The following ZC3H12B variants were observed in gnomAD, a reference collection of about 807,000 sequenced individuals.
ZC3H12B encodes the protein zinc finger CCCH-type containing 12B, also known as probable ribonuclease ZC3H12B.
In ZC3H12B, 7 loss-of-function variants were observed where a neutral mutation model predicts 43.9. That is an observed-to-expected ratio of 0.16 (90% CI 0.09 to 0.30). ZC3H12B has a LOEUF of 0.30. Among genes scored for constraint, ZC3H12B ranks in the 10% least tolerant of loss-of-function variants. The pLI is 1.00. For synonymous variants in ZC3H12B, 222 were observed against 241.7 expected (o/e 0.92, Z 0.76); for missense variants, 475 against 670.2 (o/e 0.71, Z 3.22).
chrX:65,488,252 GAAGA>G (rs770884863), upstream of ZC3H12B, among the ~76,000 whole-genome samples: 2 of 110,640 alleles, frequency 1.8e-5, no homozygotes, highest in African/African-American at 3.3e-5. Context: ...TGGCAGAAAG[GAAGA>G]AAGAGAGTCT....
At chrX:65,386,257 C>T (rs190750682) in intron 2 of ZC3H12B, among the ~76,000 whole-genome samples, 5 of 111,699 alleles carry the variant, frequency 4.5e-5, no homozygotes, top group South Asian at 7.5e-4. Context: ...AAGAATTTGG[C>T]TGTGAATCTG....
chrX:65,261,863 C>T, the ZC3H12B span, among the ~76,000 whole-genome samples: 3 of 110,746 alleles, frequency 2.7e-5, no homozygotes, highest in African/African-American at 6.5e-5. Context: ...AAAACTGAAA[C>T]ATAGGAGTCA....
chrX:65,476,878 G>A (rs377484276), intron 3 of ZC3H12B, among the ~76,000 whole-genome samples: 1 of 106,885 alleles, frequency 9.4e-6, no homozygotes, highest in Non-Finnish European at 1.9e-5. Context: ...CTGGAGTTCA[G>A]TGGTACAATC....
intron 3 of ZC3H12B, among the ~76,000 whole-genome samples, chrX:65,460,897 G>T (rs1239194758): frequency 2.7e-5 from 3 of 111,514 alleles, no homozygotes; most frequent in Non-Finnish European, 5.6e-5. Flanking sequence ...CACAGCAAAA[G>T]AAGCTACCAC....
chrX:65,392,574 CA>C (rs1388357480), intron 2 of ZC3H12B, among the ~76,000 whole-genome samples: 9 of 110,685 alleles, frequency 8.1e-5, no homozygotes, highest in African/African-American at 2.9e-4. Context: ...GCTTGGCAGC[CA>C]CCCCATCTGG....
chrX:65,344,345 A>G, the ZC3H12B span, among the ~76,000 whole-genome samples: 2 of 111,987 alleles, frequency 1.8e-5, no homozygotes, highest in African/African-American at 6.5e-5. Context: ...AGTAACCAAA[A>G]CAGAATGGTA....
intron 3 of ZC3H12B, among the ~76,000 whole-genome samples, chrX:65,433,291 T>C (rs1196161578): frequency 8.9e-6 from 1 of 112,262 alleles, no homozygotes; most frequent in Admixed American, 9.5e-5. Context: ...CACCCCTGCA[T>C]CTTTCAAGTC....
chrX:65,335,347 G>T, the ZC3H12B span, among the ~76,000 whole-genome samples: 1 of 111,391 alleles, frequency 9.0e-6, no homozygotes, highest in Non-Finnish European at 1.9e-5. Flanking sequence ...AAAAAAGAAG[G>T]TCCTTTTAAA....
At chrX:65,488,621 A>T (rs1474051541), upstream of ZC3H12B, 2 of 416,633 alleles carry the variant, frequency 4.8e-6, no homozygotes, top group African/African-American at 2.5e-5. Context: ...ACTAAATATG[A>T]TGTGGTATGT....
the ZC3H12B span, among the ~76,000 whole-genome samples, chrX:65,331,875 G>T: frequency 9.0e-5 from 10 of 111,355 alleles, no homozygotes; most frequent in African/African-American, 3.3e-4. Flanking sequence ...CTTTTTGCAT[G>T]CTAATGCATT....
chrX:65,231,885 G>A, the ZC3H12B span, among the ~76,000 whole-genome samples: 1 of 111,352 alleles, frequency 9.0e-6, no homozygotes, highest in South Asian at 3.8e-4. Context: ...AATCATCACA[G>A]GGTCGTAAGG....
chrX:65,275,768 C>T, the ZC3H12B span, among the ~76,000 whole-genome samples: 1 of 112,237 alleles, frequency 8.9e-6, no homozygotes, highest in Non-Finnish European at 1.9e-5. Flanking sequence ...TGAAAATCAA[C>T]ATAGGGATAC....
the ZC3H12B span, among the ~76,000 whole-genome samples, chrX:65,252,577 G>C: frequency 2.7e-5 from 3 of 111,691 alleles, no homozygotes; most frequent in Non-Finnish European, 5.6e-5. Flanking sequence ...TCAAGCAAGT[G>C]GTAGGGCTGC....
chrX:65,395,655 G>A (rs2066686964), intron 2 of ZC3H12B, among the ~76,000 whole-genome samples: 1 of 111,582 alleles, frequency 9.0e-6, no homozygotes, highest in Admixed American at 9.5e-5. Context: ...TTTTGTTGTT[G>A]TTGTGTCTTT....
the ZC3H12B span, among the ~76,000 whole-genome samples, chrX:65,144,898 A>G: frequency 4.5e-5 from 5 of 111,649 alleles, no homozygotes; most frequent in Non-Finnish European, 9.4e-5. Flanking sequence ...CATTTGGTCT[A>G]TCTTGGAGAA....
chrX:65,363,570 G>C (rs2066132379), upstream of ZC3H12B, among the ~76,000 whole-genome samples: 1 of 111,618 alleles, frequency 9.0e-6, no homozygotes, highest in Non-Finnish European at 1.9e-5. Context: ...GTTCCTTGAA[G>C]ACAGCTTTAG....
chrX:65,070,673 C>T, the ZC3H12B span, among the ~76,000 whole-genome samples: 4 of 110,770 alleles, frequency 3.6e-5, no homozygotes, highest in Non-Finnish European at 7.6e-5. Context: ...TTGATGTCTG[C>T]TTTAATTTGA....
the ZC3H12B span, among the ~76,000 whole-genome samples, chrX:65,215,985 G>T: frequency 9.0e-6 from 1 of 111,557 alleles, no homozygotes; most frequent in Non-Finnish European, 1.9e-5. Flanking sequence ...TAATGATTAA[G>T]TTTGCCACAT....
At chrX:65,169,160 C>T in the ZC3H12B span, among the ~76,000 whole-genome samples, 5 of 111,384 alleles carry the variant, frequency 4.5e-5, no homozygotes, top group African/African-American at 1.6e-4. Flanking sequence ...TGCTTTCTCT[C>T]GTGGTCATTT....
Sources: allele counts gnomAD v4.1 joint callset (sites outside exome capture counted in the v4.1 genomes callset), GRCh38; gene constraint gnomAD v4.1.1; transcripts MANE v1.5; gene names NCBI Gene and HGNC (gene_info 2026-07-23, HGNC 2026-07-21).